ZNF557: variants seen among roughly 807,000 people sequenced by gnomAD.
ZNF557 encodes CTB-25J19.9.
ZNF557 carries 19 observed loss-of-function variants against 21.2 expected under a neutral mutation model. The observed-to-expected ratio is 0.90, with a 90% CI of 0.63 to 1.32. ZNF557 has a LOEUF of 1.32. Among genes scored for constraint, ZNF557 ranks in the 40% most tolerant of loss-of-function variants. The pLI, the probability that ZNF557 is intolerant of heterozygous loss-of-function variation, is 0.00. For synonymous variants in ZNF557, 207 were observed against 194.8 expected, an observed-to-expected ratio of 1.06 and a Z score of -0.52; for missense variants, 487 against 519.8, an observed-to-expected ratio of 0.94 and a Z score of 0.61.
In ZNF557 at chr19:7,086,012, C is replaced by T. The variant is rs903218341; in HGVS notation, c.*2268C>T. ...TGGGAGGCTGAGGCGGGCAGATCAC[C>T]GGAGGTAAGGAGCTTGAGACCAGCC... On this transcript the variant is annotated 3_prime_UTR_variant, in exon 8 of 8. Transcript: ENST00000252840. 1.3e-5 allele frequency: 2 copies of T among 151,470 alleles called. No homozygotes were observed. The highest frequency in any genetic ancestry group is 2.4e-5 in the African/African-American group (1 of 41,236). The allele number at this position is 151,470 out of a possible 1,614,324, so 9.4% of individuals were successfully genotyped here. A position where few individuals can be genotyped will look rare whatever the true frequency, so the allele number is the denominator to read the frequency against.
intron 6 of ZNF557, 69 bp downstream of exon 6, chr19:7,081,524 T>C (rs1218540187): frequency 1.0e-6 from 1 of 1,000,272 alleles, no homozygotes; most frequent in Non-Finnish European, 1.5e-6. Context: ...GTTGGGAGTA[T>C]TATAATACAT....
rs1000655743 is a variant in ZNF557, at chr19:7,085,780, C to A, written c.*2036C>A. 6.6e-6 allele frequency: 1 copy of A among 152,186 alleles called. No individual in the cohort carries two copies. Among genetic ancestry groups the A allele is most frequent in the East Asian group, 1.9e-4 (1 of 5,206 alleles). 9.4% of individuals were successfully genotyped at this position (152,186 alleles called of 1,614,324 possible). A position where few individuals can be genotyped will look rare whatever the true frequency, so the allele number is the denominator to read the frequency against. ...GGCCACTAGCTCGTTCATTTTCAGTCTTTTAATATAAACATTTATGGCTAT... is the reference window on the plus strand; with the variant it reads ...GGCCACTAGCTCGTTCATTTTCAGTATTTTAATATAAACATTTATGGCTAT... On this transcript the variant is annotated 3_prime_UTR_variant, in exon 8 of 8. Transcript: ENST00000252840.
chr19:7,071,163 T>G (rs1198749028), intron 2 of ZNF557, among the ~76,000 whole-genome samples: 1 of 152,204 alleles, frequency 6.6e-6, no homozygotes, highest in Non-Finnish European at 1.5e-5. Flanking sequence ...TACAGCTATA[T>G]GCAAATCAGT....
At position 7,075,987 on chromosome 19, in the gene ZNF557, G is replaced by GT. The variant is rs1977581141; in HGVS notation, c.120+245dup. 1.3e-5 allele frequency among the ~76,000 whole-genome samples: 2 copies of GT among 152,074 alleles called. 1 individual carries two copies. Among genetic ancestry groups the GT allele is most frequent in the South Asian group, 4.1e-4 (2 of 4,828 alleles). On this transcript the variant is annotated intron_variant, in intron 4 of 7. Transcript: ENST00000252840. ...TTTTAAGGGAAAGCCAAGTAAAGAC[G>GT]TGATGATGTTCTAAACCCAAGCAAT...
rs143012504 is a variant in ZNF557, at chr19:7,074,329, T to TACACACACACACACACAC, written c.-79-666_-79-665insCACACACACACACACACA. Among the ~76,000 whole-genome samples, 623 of 147,154 alleles carry TACACACACACACACACAC rather than the reference T, an allele frequency of 4.2e-3. 3 individuals are homozygous for TACACACACACACACACAC. Among genetic ancestry groups the TACACACACACACACACAC allele is most frequent in the African/African-American group, 0.01 (399 of 39,696 alleles). ...CCAGCCGCTTTCATCTTTGTGTGTA[T>TACACACACACACACACAC]ATACACACACACACACACACACACA... is the stretch of plus-strand genomic sequence containing the variant. On this transcript the variant is annotated intron_variant, in intron 2 of 7. Coordinates refer to ENST00000252840, the MANE Select transcript of ZNF557 (RefSeq NM_024341.3).
intron 5 of ZNF557, 49 bp downstream of exon 5, chr19:7,076,556 T>C (rs929282484): frequency 2.3e-5 from 36 of 1,575,676 alleles, no homozygotes; most frequent in Non-Finnish European, 3.0e-5. Context: ...AGGAAGTCAG[T>C]CTTTTTTTTC....
Position 7,075,016 on chromosome 19 carries a change from G to A in ZNF557, c.-59G>A, listed in dbSNP as rs1439577033. 6.8e-6 allele frequency: 11 copies of A among 1,613,370 alleles called. No individual in the cohort carries two copies. The Admixed American group carries it at 1.8e-4, about 27-fold the overall frequency. On this transcript the variant is annotated 5_prime_UTR_variant, in exon 3 of 8. Coordinates refer to ENST00000252840, the MANE Select transcript of ZNF557 (RefSeq NM_024341.3). ...TCCAGGGTGCTGTCCTGAGAGCGCT[G>A]CGGGATAAAGGAGGAGCGTCCTGCT... is the stretch of plus-strand genomic sequence containing the variant.
At chr19:7,078,652 G>A (rs1039054306) in intron 5 of ZNF557, among the ~76,000 whole-genome samples, 16 of 151,886 alleles carry the variant, frequency 1.1e-4, no homozygotes, top group African/African-American at 3.1e-4. Flanking sequence ...GGCTGGTCTC[G>A]AACTCCTGAC....
chr19:7,071,680 C>T (rs1364911669), intron 2 of ZNF557, among the ~76,000 whole-genome samples: 1 of 149,950 alleles, frequency 6.7e-6, no homozygotes, highest in African/African-American at 2.5e-5. Flanking sequence ...CCCGTCTGTA[C>T]TAAAAATATA....
At position 7,076,308 on chromosome 19, in the gene ZNF557, C is replaced by A. The variant is rs555895572; in HGVS notation, c.121-73C>A. ...AGGTTTCCCCAGCCCTGGCTCTGTT[C>A]TCCTGGCCCCTCTTCCTGTGCACAT... On this transcript the variant is annotated intron_variant, in intron 4 of 7. Coordinates refer to ENST00000252840, the MANE Select transcript of ZNF557 (RefSeq NM_024341.3). 1.1e-5 allele frequency: 18 copies of A among 1,613,844 alleles called. No individual in the cohort carries two copies. In the African/African-American group the frequency reaches 2.3e-4, roughly 20 times the overall value.
rs1004501252 is a variant in ZNF557 at position 7,086,078 on chromosome 19, A to G, written c.*2334A>G. The G allele has an allele frequency of 6.6e-6, 1 of 151,746 alleles. No homozygotes were observed. Among genetic ancestry groups the G allele is most frequent in the African/African-American group, 2.4e-5 (1 of 41,296 alleles). The allele number at this position is 151,746 out of a possible 1,614,324, so 9.4% of individuals were successfully genotyped here. The stretch of plus-strand genomic sequence containing the variant: ...AACCCCGCTTCTACTAAAAAATACA[A>G]AAATTAGCCGGGTGTGGTGGCAGGC... On this transcript the variant is annotated 3_prime_UTR_variant, in exon 8 of 8. Transcript: ENST00000252840.
At chr19:7,078,121 G>GA (rs1375267406) in intron 5 of ZNF557, among the ~76,000 whole-genome samples, 24 of 152,128 alleles carry the variant, frequency 1.6e-4, no homozygotes, top group Non-Finnish European at 7.3e-5. Flanking sequence ...TATCTTGAAT[G>GA]ATAGTTTTGC....
At position 7,083,445 on chromosome 19, in the gene ZNF557, A is replaced by G; in HGVS notation, c.994A>G (p.Arg332Gly). 1.9e-6 allele frequency: 3 copies of G among 1,614,200 alleles called. No individual in the cohort carries two copies. Among genetic ancestry groups the G allele is most frequent in the Non-Finnish European group, 2.5e-6 (3 of 1,180,026 alleles). The change falls in exon 8 of 8, where the codon AGG (arginine) becomes GGG (glycine). Residue 332 changes from arginine (R) to glycine (G), a missense_variant. Transcript: ENST00000252840. ...CGATTGTGGGAGAACCTTCAGGAGG[A>G]GGTCGAATCTGACACAGCACATAAG... ...CHDCGRTFRR[R>G]SNLTQHIRTH...
chr19:7,079,797 G>A (rs971875242), intron 5 of ZNF557, among the ~76,000 whole-genome samples: 4 of 152,066 alleles, frequency 2.6e-5, no homozygotes, highest in African/African-American at 9.7e-5. Flanking sequence ...TTAAATACCT[G>A]GAACCCAAAA....
At position 7,087,095 on chromosome 19, in the gene ZNF557, T is replaced by C. The variant is rs1389292936; in HGVS notation, c.*3351T>C. 6.6e-6 allele frequency: 1 copy of C among 150,496 alleles called. No homozygotes were observed. The highest frequency in any genetic ancestry group is 6.7e-5 in the Admixed American group (1 of 14,986). The allele number at this position is 150,496 out of a possible 1,614,324, so 9.3% of individuals were successfully genotyped here. A position where few individuals can be genotyped will look rare whatever the true frequency, so the allele number is the denominator to read the frequency against. On this transcript the variant is annotated 3_prime_UTR_variant, in exon 8 of 8. Coordinates refer to ENST00000252840, the MANE Select transcript of ZNF557 (RefSeq NM_024341.3). Reference sequence around the variant, plus strand: ...ACAGGCTTTATCCCACTCTGCTGGCTAAAAGAAGTAGGAATAACGCACTGG... The same window carrying C: ...ACAGGCTTTATCCCACTCTGCTGGCCAAAAGAAGTAGGAATAACGCACTGG...
intron 2 of ZNF557, 26 bp from the exon 3 acceptor site, chr19:7,074,970 C>T (rs1977553973): frequency 1.9e-6 from 3 of 1,578,358 alleles, no homozygotes; most frequent in Admixed American, 1.7e-5. Context: ...GTGACCGAGG[C>T]AGAGTGTTCC....
In ZNF557 at chr19:7,073,155, TTG is replaced by T. The variant is rs1274509719; in HGVS notation, c.-79-1839_-79-1838del. ...CAGATATTTGTTTTTTTGGTTTTTTTTGTTTTTTTTTTTTTGAGATGGAGTCT... is the reference window on the plus strand; with the variant it reads ...CAGATATTTGTTTTTTTGGTTTTTTTTTTTTTTTTTTTTGAGATGGAGTCT... On this transcript the variant is annotated intron_variant, in intron 2 of 7. Coordinates refer to ENST00000252840, the MANE Select transcript of ZNF557 (RefSeq NM_024341.3). Among the ~76,000 whole-genome samples, 18 of 44,672 alleles carry T rather than the reference TTG, an allele frequency of 4.0e-4. No individual in the cohort carries two copies. The East Asian group carries it at 6.7e-3, about 17-fold the overall frequency. 29.3% of individuals were successfully genotyped at this position (44,672 alleles called of 152,430 possible).
intron 4 of ZNF557, 78 bp from the exon 5 acceptor site, chr19:7,076,303 C>A (rs539249000): frequency 6.2e-7 from 1 of 1,613,898 alleles, no homozygotes; most frequent in South Asian, 1.1e-5. Flanking sequence ...AGCCCTGGCT[C>A]TGTTCTCCTG....
intron 5 of ZNF557, among the ~76,000 whole-genome samples, chr19:7,078,498 T>G (rs1977629000): frequency 6.6e-6 from 1 of 151,320 alleles, no homozygotes; most frequent in Non-Finnish European, 1.5e-5. Flanking sequence ...TGGCACGATC[T>G]CAGCTCACTG....
Sources: gnomAD v4.1 joint callset for allele counts (sites outside exome capture counted in the v4.1 genomes callset) on GRCh38, gnomAD v4.1.1 for gene constraint, MANE v1.5 for transcripts, NCBI Gene and HGNC (gene_info 2026-07-23, HGNC 2026-07-21) for gene names.